Variants in ADAMTSL1 observed in about 807,000 individuals in gnomAD.
ADAMTSL1 encodes the protein ADAMTS like 1.
A neutral mutation model predicts 201.8 loss-of-function variants in ADAMTSL1; 126 were observed. The ratio of observed to expected loss-of-function variants is 0.62; its 90% CI spans 0.54 to 0.72. ADAMTSL1 has a LOEUF of 0.72. Among genes scored for constraint, ADAMTSL1 ranks in the 30% least tolerant of loss-of-function variants. ADAMTSL1 has a pLI of 0.00. For missense variants in ADAMTSL1, 2,679 were observed against 2,277.8 expected (o/e 1.18, Z -3.59); for synonymous variants, 1,121 against 903.4 (o/e 1.24, Z -4.32).
chr9:18,645,210 C>T (rs1484838682), intron 7 of ADAMTSL1, among the ~76,000 whole-genome samples: 1 of 152,142 alleles, frequency 6.6e-6, no homozygotes, highest in Non-Finnish European at 1.5e-5. Flanking sequence ...CTGTTCATGT[C>T]CTTCACCCAC....
At chr9:17,920,761 T>C (rs1449449780) in intron 1 of ADAMTSL1, among the ~76,000 whole-genome samples, 1 of 152,224 alleles carries the variant, frequency 6.6e-6, no homozygotes, top group Non-Finnish European at 1.5e-5. Context: ...TTTTAGGCTT[T>C]GTGGGCTATA....
intron 2 of ADAMTSL1, among the ~76,000 whole-genome samples, chr9:18,277,560 A>G (rs1832631499): frequency 6.6e-6 from 1 of 152,160 alleles, no homozygotes; most frequent in South Asian, 2.1e-4. Flanking sequence ...TTTTTAACTT[A>G]AAGCCTATTT....
intron 15 of ADAMTSL1, among the ~76,000 whole-genome samples, chr9:18,734,037 C>T (rs554857240): frequency 6.6e-6 from 1 of 152,082 alleles, no homozygotes; most frequent in East Asian, 1.9e-4. Context: ...TTATAAGTCC[C>T]GTAAATCAGG....
intron 1 of ADAMTSL1, among the ~76,000 whole-genome samples, chr9:18,042,704 A>G (rs1411248): frequency 0.62 from 94,668 of 151,928 alleles, 29,971 homozygotes; most frequent in African/African-American, 0.73. Flanking sequence ...CAAAATGGAA[A>G]GTTATATTTT....
At position 18,299,199 on chromosome 9, in the gene ADAMTSL1, A is replaced by G. The variant is rs371021604; in HGVS notation, c.207+135218A>G. Among the ~76,000 whole-genome samples, 158 of 152,172 alleles carry G rather than the reference A, an allele frequency of 1.0e-3. 1 individual carries two copies. Among genetic ancestry groups the G allele is most frequent in the Middle Eastern group, 3.4e-3 (1 of 294 alleles). On this transcript the variant is annotated intron_variant, in intron 2 of 29. Transcript: ENST00000680146. ...TGAGCTCATACAGCTAATAAGTGTG[A>G]GAGCTAGAATTCAAACCCCAGACTT...
At chr9:17,965,350 G>T (rs1380127828) in intron 1 of ADAMTSL1, among the ~76,000 whole-genome samples, 1 of 152,050 alleles carries the variant, frequency 6.6e-6, no homozygotes, top group Admixed American at 6.6e-5. Context: ...TGTACCTCTA[G>T]AGAATATACT....
chr9:18,782,597 G>T (rs1301133874), intron 19 of ADAMTSL1, among the ~76,000 whole-genome samples: 1 of 152,186 alleles, frequency 6.6e-6, no homozygotes, highest in Non-Finnish European at 1.5e-5. Context: ...ATTAACAAAT[G>T]AATGGAGCAA....
chr9:18,795,636 T>G, intron 20 of ADAMTSL1, 112 bp downstream of exon 20: 4 of 1,172,560 alleles, frequency 3.4e-6, no homozygotes, highest in Non-Finnish European at 3.5e-6. Flanking sequence ...AGATCCCATC[T>G]TCAGGGAGTT....
chr9:18,411,819 C>T (rs1818456663), intron 2 of ADAMTSL1, among the ~76,000 whole-genome samples: 1 of 152,010 alleles, frequency 6.6e-6, no homozygotes, highest in African/African-American at 2.4e-5. Context: ...AGCAGCCATC[C>T]CATTATTACA....
intron 1 of ADAMTSL1, among the ~76,000 whole-genome samples, chr9:18,011,541 C>T (rs940777124): frequency 5.9e-5 from 9 of 152,002 alleles, no homozygotes; most frequent in African/African-American, 2.2e-4. Flanking sequence ...AGTGAAGTCA[C>T]AAGCTCTGGA....
At chr9:18,464,172 C>T (rs1204518183) in intron 2 of ADAMTSL1, among the ~76,000 whole-genome samples, 1 of 152,174 alleles carries the variant, frequency 6.6e-6, no homozygotes, top group South Asian at 2.1e-4. Context: ...TAAGCATGCC[C>T]TCATCATCCC....
At chr9:18,144,354 C>T (rs1379319286) in intron 1 of ADAMTSL1, among the ~76,000 whole-genome samples, 1 of 151,886 alleles carries the variant, frequency 6.6e-6, no homozygotes. Flanking sequence ...TACAGATGCC[C>T]ACCATCAAAC....
intron 2 of ADAMTSL1, among the ~76,000 whole-genome samples, chr9:18,238,043 T>C (rs1017472230): frequency 2.6e-5 from 4 of 152,196 alleles, no homozygotes; most frequent in Non-Finnish European, 4.4e-5. Flanking sequence ...AAGAACCACT[T>C]TTTACCTGGG....
At chr9:18,252,230 T>A (rs943240975) in intron 2 of ADAMTSL1, among the ~76,000 whole-genome samples, 25 of 152,142 alleles carry the variant, frequency 1.6e-4, no homozygotes, top group Admixed American at 2.6e-4. Flanking sequence ...TAAAGACATA[T>A]AACTCAGTAG....
intron 5 of ADAMTSL1, among the ~76,000 whole-genome samples, chr9:18,631,167 A>G (rs1052838394): frequency 6.6e-6 from 1 of 152,196 alleles, no homozygotes; most frequent in Non-Finnish European, 1.5e-5. Flanking sequence ...TTGACAACAG[A>G]ACTTTTTAAC....
chr9:18,199,732 G>A (rs1447709854), intron 2 of ADAMTSL1, among the ~76,000 whole-genome samples: 3 of 152,072 alleles, frequency 2.0e-5, no homozygotes, highest in Non-Finnish European at 2.9e-5. Context: ...TTAGCACATA[G>A]AGATATATGC....
chr9:18,661,622 T>C lies in ADAMTSL1; in HGVS notation c.947-313T>C, dbSNP rs145198120. On this transcript the variant is annotated intron_variant, in intron 8 of 28. Transcript: ENST00000380548. ...TCTTTTTTGGACACAGAATTCTGCA[T>C]TATATTTTTAGATCATATAAAAGAA... 3.0e-3 allele frequency among the ~76,000 whole-genome samples: 451 copies of C among 152,332 alleles called. 3 individuals are homozygous for C. Among genetic ancestry groups the C allele is most frequent in the African/African-American group, 0.01 (421 of 41,584 alleles).
rs187959036 is a variant in ADAMTSL1, at chr9:18,440,299, G to A, written c.208-64530G>A. On this transcript the variant is annotated intron_variant, in intron 2 of 29. Coordinates refer to the ADAMTSL1 transcript ENST00000680146. ...CCCCTCAGTACCCATGCAACTTTGT[G>A]AACAGAACACCCACAAAAACAATAA... Among the ~76,000 whole-genome samples, 3 of 152,178 alleles carry A rather than the reference G, an allele frequency of 2.0e-5. No individual in the cohort carries two copies. In the East Asian group the frequency reaches 5.8e-4, roughly 29 times the overall value.
intron 1 of ADAMTSL1, among the ~76,000 whole-genome samples, chr9:18,126,965 A>G (rs1825757123): frequency 6.6e-6 from 1 of 152,180 alleles, no homozygotes; most frequent in African/African-American, 2.4e-5. Context: ...GCCTTCTGCC[A>G]GCCTGGGTGG....
Sources: gnomAD v4.1 joint callset for allele counts (sites outside exome capture counted in the v4.1 genomes callset) on GRCh38, gnomAD v4.1.1 for gene constraint, MANE v1.5 for transcripts, NCBI Gene and HGNC (gene_info 2026-07-23, HGNC 2026-07-21) for gene names.